The following GADD45G variants were observed in gnomAD, a reference collection of about 807,000 sequenced individuals.
GADD45G encodes growth arrest and DNA damage inducible gamma, also known as growth arrest and DNA damage-inducible protein GADD45 gamma.
A neutral mutation model predicts 17.3 loss-of-function variants in GADD45G; 7 were observed. That is an observed-to-expected ratio of 0.41 (90% CI 0.23 to 0.76). The LOEUF is 0.76. Ranked by LOEUF, GADD45G falls within the 30% of genes least tolerant of loss-of-function variation. GADD45G has a pLI of 0.34. For missense variants in GADD45G, 149 were observed against 219.2 expected, an observed-to-expected ratio of 0.68 and a Z score of 2.02; for synonymous variants, 93 against 94.9, an observed-to-expected ratio of 0.98 and a Z score of 0.12.
chr9:89,605,923 G>C (rs1405471398), intron 3 of GADD45G, 43 bp downstream of exon 3: 1 of 1,588,466 alleles, frequency 6.3e-7, no homozygotes, highest in Admixed American at 1.8e-5. Context: ...TGTCGTTCCC[G>C]CCTCGGCCCG....
At position 89,606,026 on chromosome 9, in the gene GADD45G, G is replaced by A; in HGVS notation, c.427G>A (p.Glu143Lys). The change falls in exon 4 of 4, where the codon GAG becomes AAG. Residue 143 changes from glutamate to lysine, a missense_variant. Around this residue, in one of 3 missense-constraint regions of GADD45G, gnomAD observed 73 missense variants for 84.3 expected, o/e 0.87. Coordinates refer to ENST00000252506, the MANE Select transcript of GADD45G (RefSeq NM_006705.4). ...CTTGGAGAAGCTCAGCCTGTTTTGC[G>A]AGGAGAGCCGCAGCGTTAACGACTG... ...PALEKLSLFC[E>K]ESRSVNDWVP... 1 of 1,613,750 alleles carries A rather than the reference G, an allele frequency of 6.2e-7. No homozygotes were observed. Among genetic ancestry groups the A allele is most frequent in the Non-Finnish European group, 8.5e-7 (1 of 1,179,822 alleles).
chr9:89,606,002 T>A lies in GADD45G; in HGVS notation c.403T>A (p.Leu135Met), dbSNP rs1827519430. 6.2e-7 allele frequency: 1 copy of A among 1,613,768 alleles called. No homozygotes were observed. The highest frequency in any genetic ancestry group is 1.7e-5 in the Admixed American group (1 of 59,976). The change falls in exon 4 of 4, where the codon TTG becomes ATG. Residue 135 changes from leucine to methionine, a missense_variant. Around this residue, in one of 3 missense-constraint regions of GADD45G, gnomAD observed 73 missense variants for 84.3 expected, o/e 0.87. Coordinates refer to ENST00000252506, the MANE Select transcript of GADD45G (RefSeq NM_006705.4). ...CGAGGACGCCTGGAAGGATCCCGCC[T>A]TGGAGAAGCTCAGCCTGTTTTGCGA... ...PNEDAWKDPALEKLSLFCEES... is the reference protein window; with the variant it reads ...PNEDAWKDPAMEKLSLFCEES...
chr9:89,605,240 A>G (rs1827501347), intron 1 of GADD45G, 66 bp downstream of exon 1: 1 of 1,470,922 alleles, frequency 6.8e-7, no homozygotes. Context: ...CCAGGGTGGG[A>G]ATCCGCGGGG....
chr9:89,606,163 C>G lies in GADD45G; in HGVS notation c.*84C>G, dbSNP rs1050123751. On this transcript the variant is annotated 3_prime_UTR_variant, in exon 4 of 4. Coordinates refer to ENST00000252506, the MANE Select transcript of GADD45G (RefSeq NM_006705.4). ...CGGCTGGCTCTGTGGAGGGGCCCTC[C>G]GAGGGTGCCCGAGTGCGGCGTGGAG... 1 of 980,470 alleles carries G rather than the reference C, an allele frequency of 1.0e-6. No individual in the cohort carries two copies. The highest frequency in any genetic ancestry group is 1.6e-6 in the Non-Finnish European group (1 of 635,076). 60.7% of individuals were successfully genotyped at this position (980,470 alleles called of 1,614,324 possible).
Position 89,605,553 on chromosome 9 carries a change from A to G in GADD45G, c.155+20A>G. On this transcript the variant is annotated intron_variant, in intron 2 of 3. Transcript: ENST00000252506. ...GAACGTGTAAGTGTAGACGCGGCCC[A>G]GGCTGGGAGACAGGGGCGGGGGTGA... 1 of 1,557,682 alleles carries G rather than the reference A, an allele frequency of 6.4e-7. No homozygotes were observed. Among genetic ancestry groups the G allele is most frequent in the South Asian group, 1.2e-5 (1 of 86,694 alleles).
In GADD45G at chr9:89,605,424, C is replaced by T; in HGVS notation, c.54-8C>T. ...CGGCTCCCGCTCACTGCGCTGGCTC[C>T]TCCGCAGGATGCAGGGTGCCGGGAA... On this transcript the variant is annotated splice_region_variant and splice_polypyrimidine_tract_variant and intron_variant, in intron 1 of 3. Coordinates refer to ENST00000252506, the MANE Select transcript of GADD45G (RefSeq NM_006705.4). 2.6e-6 allele frequency: 4 copies of T among 1,547,164 alleles called. No individual in the cohort carries two copies. The highest frequency in any genetic ancestry group is 2.2e-4 in the Middle Eastern group (1 of 4,650).
At position 89,606,207 on chromosome 9, in the gene GADD45G, C is replaced by A; in HGVS notation, c.*128C>A. Reference sequence around the variant, plus strand: ...CGTGGAGACTGGCAGGCGGGGGGGGCGCCTGGAGAGCGAGGAGGCGCGGCC... The same window carrying A: ...CGTGGAGACTGGCAGGCGGGGGGGGAGCCTGGAGAGCGAGGAGGCGCGGCC... On this transcript the variant is annotated 3_prime_UTR_variant, in exon 4 of 4. Transcript: ENST00000252506. 1.4e-6 allele frequency: 1 copy of A among 720,106 alleles called. No homozygotes were observed. The highest frequency in any genetic ancestry group is 2.5e-5 in the Admixed American group (1 of 40,042). The allele number at this position is 720,106 out of a possible 1,614,324, so 44.6% of individuals were successfully genotyped here.
At chr9:89,605,406 C>T in intron 1 of GADD45G, 26 bp from the exon 2 acceptor site, 7 of 1,518,860 alleles carry the variant, frequency 4.6e-6, no homozygotes, top group Non-Finnish European at 6.2e-6. Flanking sequence ...GGCCGGCTCC[C>T]GCTCACTGCG....
chr9:89,606,355 G>A lies in GADD45G; in HGVS notation c.*276G>A, dbSNP rs533501852. ...AGGACGTTGGCCTCAGGGCCAGGAA[G>A]GACAGACTGGCCGGGCAGGCGTGAC... On this transcript the variant is annotated 3_prime_UTR_variant, in exon 4 of 4. Transcript: ENST00000252506. The A allele has an allele frequency of 6.8e-5, 34 of 498,780 alleles. No individual in the cohort carries two copies. In the East Asian group the frequency reaches 1.0e-3, roughly 15 times the overall value. 30.9% of individuals were successfully genotyped at this position (498,780 alleles called of 1,614,324 possible). A position where few individuals can be genotyped will look rare whatever the true frequency, so the allele number is the denominator to read the frequency against.
Position 89,606,522 on chromosome 9 carries a change from G to C in GADD45G, c.*443G>C, listed in dbSNP as rs754585279. 3 of 188,294 alleles carry C rather than the reference G, an allele frequency of 1.6e-5. No homozygotes were observed. Among genetic ancestry groups the C allele is most frequent in the Non-Finnish European group, 3.3e-5 (3 of 90,322 alleles). 11.7% of individuals were successfully genotyped at this position (188,294 alleles called of 1,614,324 possible). On this transcript the variant is annotated 3_prime_UTR_variant, in exon 4 of 4. Coordinates refer to ENST00000252506, the MANE Select transcript of GADD45G (RefSeq NM_006705.4). ...TTTTCTAAAGGATGCTGCTGTTGAA[G>C]CTTTGAATTTTACAATAAACTTTTT...
intron 3 of GADD45G, 22 bp downstream of exon 3, chr9:89,605,902 C>T (rs1222257001): frequency 1.3e-6 from 2 of 1,590,570 alleles, no homozygotes; most frequent in East Asian, 2.3e-5. Flanking sequence ...CCCGTCCTGT[C>T]CCCGCCCCAG....
Position 89,605,894 on chromosome 9 carries a change from C to G in GADD45G, c.369+14C>G. ...ATCCTCATTTCGGTGAGTACAGTCC[C>G]GTCCTGTCCCCGCCCCAGTGTCGTT... On this transcript the variant is annotated intron_variant, in intron 3 of 3. Coordinates refer to ENST00000252506, the MANE Select transcript of GADD45G (RefSeq NM_006705.4). 6.3e-7 allele frequency: 1 copy of G among 1,596,476 alleles called. No individual in the cohort carries two copies. Among genetic ancestry groups the G allele is most frequent in the Non-Finnish European group, 8.5e-7 (1 of 1,169,980 alleles).
chr9:89,606,534 A>G lies in GADD45G; in HGVS notation c.*455A>G, dbSNP rs550988377. ...TGCTGCTGTTGAAGCTTTGAATTTT[A>G]CAATAAACTTTTTGAAACAAACTTA... On this transcript the variant is annotated 3_prime_UTR_variant, in exon 4 of 4. Coordinates refer to ENST00000252506, the MANE Select transcript of GADD45G (RefSeq NM_006705.4). The G allele has an allele frequency of 4.9e-4, 88 of 180,630 alleles. No individual in the cohort carries two copies. The highest frequency in any genetic ancestry group is 1.8e-3 in the African/African-American group (74 of 41,966). 11.2% of individuals were successfully genotyped at this position (180,630 alleles called of 1,614,324 possible). A position where few individuals can be genotyped will look rare whatever the true frequency, so the allele number is the denominator to read the frequency against.
intron 1 of GADD45G, 121 bp from the exon 2 acceptor site, chr9:89,605,311 C>G (rs1827502766): frequency 1.8e-6 from 2 of 1,107,512 alleles, no homozygotes; most frequent in Middle Eastern, 2.8e-4. Flanking sequence ...GGTGCAGGCG[C>G]TGAGCCGGGA....
chr9:89,606,254 C>A lies in GADD45G; in HGVS notation c.*175C>A. 1.6e-6 allele frequency: 1 copy of A among 620,622 alleles called. No homozygotes were observed. Among genetic ancestry groups the A allele is most frequent in the Non-Finnish European group, 2.9e-6 (1 of 347,322 alleles). 38.4% of individuals were successfully genotyped at this position (620,622 alleles called of 1,614,324 possible). On this transcript the variant is annotated 3_prime_UTR_variant, in exon 4 of 4. Transcript: ENST00000252506. The stretch of plus-strand genomic sequence containing the variant: ...GGCCTCCCGAGGAGGGGCCCGGTGG[C>A]GGCAGGGCCAGGCTGGTCCGAGCTG...
In GADD45G at chr9:89,605,739, C is replaced by T; in HGVS notation, c.228C>T (p.Ile76=). The stretch of plus-strand genomic sequence containing the variant: ...ACGAGGGCGACATCGCGCTGCAGAT[C>T]CATTTTACGCTGATCCAGGCTTTCT... The part of the protein sequence containing the change: ...EEDEGDIALQ[I]HFTLIQAFCC... Residue 76 remains isoleucine (I), a synonymous_variant, in exon 3 of 4, where the codon ATC becomes ATT. Coordinates refer to ENST00000252506, the MANE Select transcript of GADD45G (RefSeq NM_006705.4). 1 of 1,614,090 alleles carries T rather than the reference C, an allele frequency of 6.2e-7. No homozygotes were observed. The highest frequency in any genetic ancestry group is 8.5e-7 in the Non-Finnish European group (1 of 1,179,990).
chr9:89,605,438 G>A lies in GADD45G; in HGVS notation c.60G>A (p.Gln20=), dbSNP rs563060536. ...TGCGCTGGCTCCTCCGCAGGATGCA[G>A]GGTGCCGGGAAAGCGCTGCATGAGT... The part of the protein sequence containing the change: ...DTVPESTARM[Q]GAGKALHELL... The change falls in exon 2 of 4, where the codon CAG becomes CAA. Residue 20 remains glutamine (Q), a synonymous_variant. Coordinates refer to ENST00000252506, the MANE Select transcript of GADD45G (RefSeq NM_006705.4). 46 of 1,553,288 alleles carry A rather than the reference G, an allele frequency of 3.0e-5. No individual in the cohort carries two copies. The South Asian group carries it at 5.3e-4, about 18-fold the overall frequency.
intron 2 of GADD45G, 56 bp from the exon 3 acceptor site, chr9:89,605,611 C>A (rs1275780693): frequency 1.9e-6 from 3 of 1,562,336 alleles, no homozygotes; most frequent in Admixed American, 1.8e-5. Context: ...GGAGGGGTGG[C>A]GGCGGGAGAA....
rs1827525020 is a variant in GADD45G at position 89,606,247 on chromosome 9, C to G, written c.*168C>G. 1.6e-6 allele frequency: 1 copy of G among 624,816 alleles called. No homozygotes were observed. The highest frequency in any genetic ancestry group is 1.8e-5 in the African/African-American group (1 of 54,072). The allele number at this position is 624,816 out of a possible 1,614,324, so 38.7% of individuals were successfully genotyped here. The stretch of plus-strand genomic sequence containing the variant: ...GAGGCGCGGCCTCCCGAGGAGGGGC[C>G]CGGTGGCGGCAGGGCCAGGCTGGTC... On this transcript the variant is annotated 3_prime_UTR_variant, in exon 4 of 4. Transcript: ENST00000252506.
Sources: gnomAD v4.1 joint callset for allele counts on GRCh38, gnomAD v4.1.1 for gene constraint, gnomAD v4.1.1 regional missense constraint, MANE v1.5 for transcripts, NCBI Gene and HGNC (gene_info 2026-07-23, HGNC 2026-07-21) for gene names.